Variants in SHROOM3 observed in about 807,000 individuals in gnomAD.
SHROOM3 encodes shroom family member 3, also known as protein Shroom3.
SHROOM3 carries 47 observed loss-of-function variants against 138.6 expected under a neutral mutation model. The observed-to-expected ratio is 0.34, with a 90% CI of 0.27 to 0.43. The LOEUF is 0.43. Ranked by LOEUF, SHROOM3 falls within the 20% of genes least tolerant of loss-of-function variation. The pLI, the probability that SHROOM3 is intolerant of heterozygous loss-of-function variation, is 1.00. For missense variants in SHROOM3, 2,491 were observed against 2,596.5 expected (o/e 0.96, Z 0.88); for synonymous variants, 1,062 against 1,063.3 (o/e 1.00, Z 0.02).
intron 2 of SHROOM3, among the ~76,000 whole-genome samples, chr4:76,610,760 A>G (rs1162298562): frequency 6.6e-6 from 1 of 152,188 alleles, no homozygotes; most frequent in Non-Finnish European, 1.5e-5. Context: ...ACCCCTCTCC[A>G]GATCTTAAGG....
At chr4:76,747,520 G>A (rs1721478945) in intron 5 of SHROOM3, among the ~76,000 whole-genome samples, 1 of 151,966 alleles carries the variant, frequency 6.6e-6, no homozygotes, top group Admixed American at 6.6e-5. Context: ...GATATTCTAG[G>A]GGCCAAATCA....
rs778053278 is a variant in SHROOM3 at position 76,738,844 on chromosome 4, A to C, written c.671A>C (p.Glu224Ala). The change falls in exon 5 of 11, where the codon GAG becomes GCG. Residue 224 changes from glutamate to alanine, a missense_variant. Glu to Ala is a moderately radical substitution (Grantham distance 107). Coordinates refer to ENST00000296043, the MANE Select transcript of SHROOM3 (RefSeq NM_020859.4). Reference protein sequence around the residue: ...PDQCSSQGSMESLEPSGAYPP... With the variant: ...PDQCSSQGSMASLEPSGAYPP... ...CAGTGCAGCTCCCAGGGGAGCATGG[A>C]GAGCCTGGAGCCCAGTGGGGCATAC... 2.2e-5 allele frequency: 35 copies of C among 1,614,046 alleles called. No homozygotes were observed. Among genetic ancestry groups the C allele is most frequent in the Non-Finnish European group, 2.9e-5 (34 of 1,179,972 alleles).
intron 2 of SHROOM3, chr4:76,709,757 GCT>G: frequency 3.6e-6 from 1 of 278,368 alleles, no homozygotes; most frequent in Admixed American, 5.1e-5. Context: ...GGTGGCAGAG[GCT>G]TGGTTTCAAA....
intron 2 of SHROOM3, among the ~76,000 whole-genome samples, chr4:76,558,502 G>A (rs571069474): frequency 1.3e-5 from 2 of 152,210 alleles, no homozygotes; most frequent in East Asian, 3.9e-4. Flanking sequence ...CTGGTTATCT[G>A]GAGGCCCCCC....
chr4:76,444,083 C>A (rs1730754037), intron 1 of SHROOM3, among the ~76,000 whole-genome samples: 1 of 151,634 alleles, frequency 6.6e-6, no homozygotes. Context: ...ACCACCACAC[C>A]CGGCTAATTT....
chr4:76,699,157 G>C lies in SHROOM3; in HGVS notation c.324-10999G>C, dbSNP rs530108487. Among the ~76,000 whole-genome samples, 14 of 152,312 alleles carry C rather than the reference G, an allele frequency of 9.2e-5. No individual in the cohort carries two copies. In the South Asian group the frequency reaches 2.9e-3, roughly 32 times the overall value. ...GAGGTCCTGAGGTTCAGAGAGAATA[G>C]TGGCCAGGAACTGGCAGAGATCAGA... On this transcript the variant is annotated intron_variant, in intron 2 of 10. Coordinates refer to ENST00000296043, the MANE Select transcript of SHROOM3 (RefSeq NM_020859.4).
At chr4:76,456,298 C>T (rs1041507442) in intron 1 of SHROOM3, among the ~76,000 whole-genome samples, 3 of 152,164 alleles carry the variant, frequency 2.0e-5, no homozygotes, top group Non-Finnish European at 4.4e-5. Flanking sequence ...AGCCACTGTG[C>T]CCAGCCCTTT....
At chr4:76,469,430 C>A (rs1400008261) in intron 1 of SHROOM3, among the ~76,000 whole-genome samples, 1 of 151,212 alleles carries the variant, frequency 6.6e-6, no homozygotes, top group Admixed American at 6.6e-5. Context: ...CCAGTCGTTT[C>A]ATTTCCTGTT....
At chr4:76,462,704 CTCCCTCTCCCTCTCCCTCTCCCTT>C (rs1731166425) in intron 1 of SHROOM3, among the ~76,000 whole-genome samples, 1 of 147,956 alleles carries the variant, frequency 6.8e-6, no homozygotes, top group African/African-American at 2.5e-5. Context: ...CTCTCTCCCT[CTCCCTCTCCCTCTCCCTCTCCCTT>C]TCCCTCTCCA....
intron 1 of SHROOM3, among the ~76,000 whole-genome samples, chr4:76,512,808 A>C (rs904889553): frequency 2.6e-5 from 4 of 152,208 alleles, no homozygotes; most frequent in African/African-American, 9.7e-5. Context: ...GCCTTATCAC[A>C]GACCAGAGAT....
At chr4:76,731,956 T>C (rs1173229507) in intron 4 of SHROOM3, among the ~76,000 whole-genome samples, 1 of 152,144 alleles carries the variant, frequency 6.6e-6, no homozygotes, top group Non-Finnish European at 1.5e-5. Flanking sequence ...GTTTGTTGTA[T>C]GGGTCAAGGT....
At chr4:76,469,435 C>T (rs1731320327) in intron 1 of SHROOM3, among the ~76,000 whole-genome samples, 1 of 151,380 alleles carries the variant, frequency 6.6e-6, no homozygotes, top group Non-Finnish European at 1.5e-5. Context: ...CGTTTCATTT[C>T]CTGTTTTTTC....
At chr4:76,569,455 A>G (rs1286454587) in intron 2 of SHROOM3, among the ~76,000 whole-genome samples, 1 of 152,188 alleles carries the variant, frequency 6.6e-6, no homozygotes, top group African/African-American at 2.4e-5. Context: ...GGTCTAGTAA[A>G]CCACAGAATG....
intron 1 of SHROOM3, among the ~76,000 whole-genome samples, chr4:76,444,785 C>T (rs1453123777): frequency 1.3e-5 from 2 of 152,138 alleles, no homozygotes; most frequent in South Asian, 2.1e-4. Flanking sequence ...TGAGCCACCA[C>T]GCCTGGCCAG....
intron 2 of SHROOM3, among the ~76,000 whole-genome samples, chr4:76,705,368 A>C (rs1183167912): frequency 6.6e-6 from 1 of 152,154 alleles, no homozygotes; most frequent in Non-Finnish European, 1.5e-5. Flanking sequence ...ATGGTGGTGC[A>C]TGCCTGTGAT....
chr4:76,477,454 T>C (rs1731510541), intron 1 of SHROOM3, among the ~76,000 whole-genome samples: 1 of 152,208 alleles, frequency 6.6e-6, no homozygotes, highest in Non-Finnish European at 1.5e-5. Context: ...TTTGCCTGAA[T>C]TGCCCAGATG....
At chr4:76,548,458 T>C (rs1256971139) in intron 1 of SHROOM3, among the ~76,000 whole-genome samples, 3 of 152,158 alleles carry the variant, frequency 2.0e-5, no homozygotes, top group African/African-American at 7.2e-5. Flanking sequence ...GGAAAAGAGA[T>C]GGGCCTGGCT....
At chr4:76,605,115 G>C (rs1206901207) in intron 2 of SHROOM3, among the ~76,000 whole-genome samples, 1 of 152,154 alleles carries the variant, frequency 6.6e-6, no homozygotes, top group African/African-American at 2.4e-5. Flanking sequence ...TGTCCCCATG[G>C]CGGTAAAAGC....
chr4:76,771,873 G>A (rs999990567), intron 10 of SHROOM3, among the ~76,000 whole-genome samples: 1 of 152,126 alleles, frequency 6.6e-6, no homozygotes, highest in Non-Finnish European at 1.5e-5. Flanking sequence ...TAGTTACTGG[G>A]GGTCTAGCGT....
Sources: allele counts gnomAD v4.1 joint callset (sites outside exome capture counted in the v4.1 genomes callset), GRCh38; gene constraint gnomAD v4.1.1; transcripts MANE v1.5; gene names NCBI Gene and HGNC (gene_info 2026-07-23, HGNC 2026-07-21).